TNFAIP8: variants seen among roughly 807,000 people sequenced by gnomAD.
The protein encoded by TNFAIP8 is tumor necrosis factor alpha-induced protein 8.
Under a neutral mutation model 13.3 loss-of-function variants are expected in TNFAIP8, and 7 were observed. The observed-to-expected ratio is 0.52, with a 90% CI of 0.30 to 0.99. The LOEUF is 0.99. Ranked by LOEUF, TNFAIP8 falls within the 50% of genes least tolerant of loss-of-function variation. TNFAIP8 has a pLI of 0.07. For missense variants in TNFAIP8, 258 were observed against 236.9 expected, an observed-to-expected ratio of 1.09 and a Z score of -0.58; for synonymous variants, 94 against 87.6, an observed-to-expected ratio of 1.07 and a Z score of -0.41.
intron 1 of TNFAIP8, among the ~76,000 whole-genome samples, chr5:119,327,410 A>C (rs553019283): frequency 6.6e-6 from 1 of 152,276 alleles, no homozygotes; most frequent in African/African-American, 2.4e-5. Context: ...AAGACGTTAT[A>C]ATTCTGATTG....
intron 1 of TNFAIP8, among the ~76,000 whole-genome samples, chr5:119,365,361 T>C (rs1271683818): frequency 6.6e-6 from 1 of 152,198 alleles, no homozygotes; most frequent in Non-Finnish European, 1.5e-5. Flanking sequence ...CTGAGCCATT[T>C]TGAGAAATTT....
At position 119,396,859 on chromosome 5, in the gene TNFAIP8, T is replaced by C. The variant is rs1466009341; in HGVS notation, c.*3478T>C. 6.6e-6 allele frequency: 1 copy of C among 151,870 alleles called. No individual in the cohort carries two copies. The highest frequency in any genetic ancestry group is 1.5e-5 in the Non-Finnish European group (1 of 68,010). 9.4% of individuals were successfully genotyped at this position (151,870 alleles called of 1,614,324 possible). A position where few individuals can be genotyped will look rare whatever the true frequency, so the allele number is the denominator to read the frequency against. On this transcript the variant is annotated 3_prime_UTR_variant, in exon 2 of 2. Coordinates refer to ENST00000504771, the MANE Select transcript of TNFAIP8 (RefSeq NM_014350.4). ...AATACACAAGATTAGCCAGATGTGG[T>C]GGCAGGCACCTGTAATCCCAGCTAC...
chr5:119,312,536 G>T (rs1749762530), intron 1 of TNFAIP8, among the ~76,000 whole-genome samples: 1 of 152,012 alleles, frequency 6.6e-6, no homozygotes, highest in African/African-American at 2.4e-5. Flanking sequence ...CATACACCGG[G>T]ACTCAAATGA....
chr5:119,302,403 C>A (rs751166255), intron 1 of TNFAIP8, among the ~76,000 whole-genome samples: 1 of 152,080 alleles, frequency 6.6e-6, no homozygotes, highest in Non-Finnish European at 1.5e-5. Context: ...AGTATGTTTC[C>A]TGCTAGAATC....
chr5:119,389,680 T>C (rs995956475), intron 1 of TNFAIP8, among the ~76,000 whole-genome samples: 3 of 152,132 alleles, frequency 2.0e-5, no homozygotes, highest in Non-Finnish European at 4.4e-5. Context: ...CATGTCTTCT[T>C]GGTGGAGGGG....
At chr5:119,269,452 A>ATG (rs1301676518) in intron 1 of TNFAIP8, among the ~76,000 whole-genome samples, 2 of 151,312 alleles carry the variant, frequency 1.3e-5, no homozygotes, top group Non-Finnish European at 3.0e-5. Flanking sequence ...GTGTGTGTGT[A>ATG]TGTGTGTGTG....
chr5:119,358,629 A>G (rs1192885892), intron 1 of TNFAIP8, among the ~76,000 whole-genome samples: 1 of 152,208 alleles, frequency 6.6e-6, no homozygotes, highest in African/African-American at 2.4e-5. Context: ...GACTACCATT[A>G]AAAAGAGGAT....
At chr5:119,275,780 AC>A (rs377063242) in intron 1 of TNFAIP8, among the ~76,000 whole-genome samples, 238 of 152,252 alleles carry the variant, frequency 1.6e-3, no homozygotes, top group African/African-American at 5.5e-3. Context: ...AAGGTTTGCT[AC>A]TGATCATAAC....
chr5:119,373,148 TAAC>T (rs1211123895), intron 1 of TNFAIP8, among the ~76,000 whole-genome samples: 2 of 152,110 alleles, frequency 1.3e-5, no homozygotes, highest in African/African-American at 4.8e-5. Flanking sequence ...CAAAGCTTAA[TAAC>T]CATACCCAAC....
intron 1 of TNFAIP8, chr5:119,333,391 G>T: frequency 7.5e-7 from 1 of 1,340,752 alleles, no homozygotes; most frequent in Non-Finnish European, 9.5e-7. Context: ...CAAAGTGACT[G>T]TAGTTGACCA....
upstream of TNFAIP8, chr5:119,355,834 C>A: frequency 1.9e-6 from 2 of 1,031,924 alleles, no homozygotes; most frequent in East Asian, 6.1e-5. Flanking sequence ...CGCCTCCGCC[C>A]GGCTGCCGGC....
At chr5:119,380,701 T>C (rs1199765209) in intron 1 of TNFAIP8, among the ~76,000 whole-genome samples, 2 of 152,234 alleles carry the variant, frequency 1.3e-5, no homozygotes, top group Non-Finnish European at 2.9e-5. Flanking sequence ...TATAAACAAT[T>C]GTAGGATATT....
chr5:119,337,420 A>G (rs1387767705), intron 1 of TNFAIP8, among the ~76,000 whole-genome samples: 1 of 152,210 alleles, frequency 6.6e-6, no homozygotes, highest in Admixed American at 6.5e-5. Context: ...ATTGCCTGTC[A>G]CTAGAACCTG....
At chr5:119,327,934 A>C (rs1282146753) in intron 1 of TNFAIP8, among the ~76,000 whole-genome samples, 1 of 152,120 alleles carries the variant, frequency 6.6e-6, no homozygotes, top group Non-Finnish European at 1.5e-5. Flanking sequence ...ATTATAATAC[A>C]TGAGCTTAAG....
At chr5:119,370,887 C>T (rs1369553232) in intron 1 of TNFAIP8, among the ~76,000 whole-genome samples, 1 of 152,180 alleles carries the variant, frequency 6.6e-6, no homozygotes, top group East Asian at 1.9e-4. Flanking sequence ...CATTTGGAAC[C>T]TGGAATCTTT....
In TNFAIP8 at chr5:119,278,393, G is replaced by A. The variant is rs1004941307; in HGVS notation, c.1+9486G>A. ...AGAGAGAGAGTGTGTGTGTGTGTGTGTGTGTGTGTGTGTGTGTGTGTGTGT... is the reference window on the plus strand; with the variant it reads ...AGAGAGAGAGTGTGTGTGTGTGTGTATGTGTGTGTGTGTGTGTGTGTGTGT... On this transcript the variant is annotated intron_variant, in intron 1 of 1. Transcript: ENST00000274456. 3.1e-3 allele frequency among the ~76,000 whole-genome samples: 469 copies of A among 149,708 alleles called. 4 individuals are homozygous for A. The highest frequency in any genetic ancestry group is 0.011 in the African/African-American group (450 of 39,658).
At chr5:119,321,651 G>A (rs1474074422) in intron 1 of TNFAIP8, among the ~76,000 whole-genome samples, 1 of 152,084 alleles carries the variant, frequency 6.6e-6, no homozygotes. Flanking sequence ...CTTTCCACTT[G>A]CCCTAGCAAA....
At chr5:119,338,165 G>GACACAC (rs367789572) in intron 1 of TNFAIP8, among the ~76,000 whole-genome samples, 20,935 of 124,924 alleles carry the variant, frequency 0.17, 2,145 homozygotes, top group East Asian at 0.24. Context: ...CTGGAACTTT[G>GACACAC]ACACACACAC....
At chr5:119,281,237 G>T (rs1325133951) in intron 1 of TNFAIP8, among the ~76,000 whole-genome samples, 1 of 142,626 alleles carries the variant, frequency 7.0e-6, no homozygotes, top group Non-Finnish European at 1.5e-5. Flanking sequence ...CACTGGAATG[G>T]TTAGTATTTA....
Sources: allele counts gnomAD v4.1 joint callset (sites outside exome capture counted in the v4.1 genomes callset), GRCh38; gene constraint gnomAD v4.1.1; transcripts MANE v1.5; gene names NCBI Gene and HGNC (gene_info 2026-07-23, HGNC 2026-07-21).